EGFR: variants seen among roughly 807,000 people sequenced by gnomAD.
The protein encoded by EGFR is avian erythroblastic leukemia viral (v-erb-b) oncogene homolog.
Under a neutral mutation model 143.0 loss-of-function variants are expected in EGFR, and 58 were observed. The ratio of observed to expected loss-of-function variants is 0.41; its 90% CI spans 0.33 to 0.50. The LOEUF is 0.50. Ranked by LOEUF, EGFR falls within the 20% of genes least tolerant of loss-of-function variation. The pLI, the probability that EGFR is intolerant of heterozygous loss-of-function variation, is 0.39. For synonymous variants in EGFR, 613 were observed against 594.4 expected (o/e 1.03, Z -0.45); for missense variants, 1,307 against 1,579.0 (o/e 0.83, Z 2.92).
At chr7:55,127,089 A>G (rs1793571037) in intron 1 of EGFR, among the ~76,000 whole-genome samples, 2 of 152,232 alleles carry the variant, frequency 1.3e-5, no homozygotes, top group Non-Finnish European at 2.9e-5. Flanking sequence ...ACGCACATCA[A>G]TACTTACATC....
intron 3 of EGFR, 59 bp downstream of exon 3, chr7:55,143,547 C>T (rs2128927725): frequency 6.3e-7 from 1 of 1,587,490 alleles, no homozygotes; most frequent in Non-Finnish European, 8.6e-7. Flanking sequence ...GTTCCGATGG[C>T]TCCCAGCGAG....
intron 1 of EGFR, among the ~76,000 whole-genome samples, chr7:55,039,073 C>A (rs1022377240): frequency 6.6e-6 from 1 of 151,946 alleles, no homozygotes; most frequent in Non-Finnish European, 1.5e-5. Context: ...ACAGTTAATG[C>A]TACTCAATTG....
chr7:55,065,278 G>C (rs970855014), intron 1 of EGFR, among the ~76,000 whole-genome samples: 1 of 152,178 alleles, frequency 6.6e-6, no homozygotes, highest in Non-Finnish European at 1.5e-5. Context: ...TCCCTAGGGA[G>C]GAGAGGGGTG....
intron 7 of EGFR, 47 bp downstream of exon 7, chr7:55,154,199 C>T (rs1785297017): frequency 1.2e-6 from 2 of 1,613,834 alleles, no homozygotes; most frequent in South Asian, 2.2e-5. Flanking sequence ...CATCCTTGTC[C>T]CGCTCTGTCT....
chr7:55,109,031 G>C (rs1488813670), intron 1 of EGFR, among the ~76,000 whole-genome samples: 1 of 152,206 alleles, frequency 6.6e-6, no homozygotes, highest in Non-Finnish European at 1.5e-5. Context: ...CTGCAATAGA[G>C]TGATACGCTG....
At chr7:55,108,939 A>C (rs1028207904) in intron 1 of EGFR, among the ~76,000 whole-genome samples, 2 of 152,212 alleles carry the variant, frequency 1.3e-5, no homozygotes, top group Non-Finnish European at 2.9e-5. Flanking sequence ...TGGAGCTTAC[A>C]TCTTAGTGGG....
At chr7:55,142,811 T>G (rs1794537321) in intron 2 of EGFR, among the ~76,000 whole-genome samples, 2 of 152,342 alleles carry the variant, frequency 1.3e-5, no homozygotes, top group South Asian at 4.1e-4. Flanking sequence ...GATTTCAAGG[T>G]ACCAAGTTTC....
intron 1 of EGFR, among the ~76,000 whole-genome samples, chr7:55,075,705 C>G (rs999006664): frequency 6.6e-6 from 1 of 152,178 alleles, no homozygotes; most frequent in Non-Finnish European, 1.5e-5. Flanking sequence ...GAGGCCATCA[C>G]AAGTGCACCA....
chr7:55,061,027 T>A (rs1308191372), intron 1 of EGFR, among the ~76,000 whole-genome samples: 1 of 152,230 alleles, frequency 6.6e-6, no homozygotes, highest in Non-Finnish European at 1.5e-5. Context: ...GAGATGCTCC[T>A]CATCTGCTTA....
At chr7:55,189,231 T>A (rs920535960) in intron 20 of EGFR, among the ~76,000 whole-genome samples, 3 of 152,168 alleles carry the variant, frequency 2.0e-5, no homozygotes, top group Non-Finnish European at 1.5e-5. Context: ...ATTAAAGCCA[T>A]GGTCCCAGTA....
At chr7:55,205,169 G>A (rs1788059432) in intron 27 of EGFR, 87 bp from the exon 28 acceptor site, 3 of 1,564,468 alleles carry the variant, frequency 1.9e-6, no homozygotes, top group Non-Finnish European at 2.6e-6. Context: ...TCCTTGTTGA[G>A]GACATTCACA....
intron 1 of EGFR, among the ~76,000 whole-genome samples, chr7:55,089,095 T>C (rs1790944071): frequency 7.2e-6 from 1 of 138,168 alleles, no homozygotes; most frequent in Admixed American, 7.9e-5. Context: ...ATTTAGGTTT[T>C]GTTTATATTT....
intron 1 of EGFR, among the ~76,000 whole-genome samples, chr7:55,057,455 G>C (rs556037578): frequency 6.6e-6 from 1 of 152,112 alleles, no homozygotes; most frequent in African/African-American, 2.4e-5. Context: ...TGGATTTCTT[G>C]ATAATGTTAA....
At chr7:55,081,488 CGAGAGCCT>C (rs957535632) in intron 1 of EGFR, among the ~76,000 whole-genome samples, 3 of 152,138 alleles carry the variant, frequency 2.0e-5, no homozygotes, top group African/African-American at 2.4e-5. Context: ...TGTCTGTGAG[CGAGAGCCT>C]GAGATGCCTG....
At chr7:55,069,175 G>C (rs1789683611) in intron 1 of EGFR, among the ~76,000 whole-genome samples, 1 of 152,150 alleles carries the variant, frequency 6.6e-6, no homozygotes, top group Admixed American at 6.5e-5. Flanking sequence ...ATGCTCTATG[G>C]TTAATTTTTT....
chr7:55,143,611 G>A (rs1174097774), intron 3 of EGFR, 123 bp downstream of exon 3: 3 of 1,065,732 alleles, frequency 2.8e-6, no homozygotes, highest in African/African-American at 3.1e-5. Context: ...CAGTACACGT[G>A]CACTGAGTGC....
intron 13 of EGFR, among the ~76,000 whole-genome samples, chr7:55,162,533 C>G (rs1038012495): frequency 1.3e-5 from 2 of 152,246 alleles, no homozygotes; most frequent in African/African-American, 2.4e-5. Flanking sequence ...ATCCTTACAG[C>G]TACAAATGGA....
chr7:55,144,135 C>T (rs1446696624), intron 3 of EGFR, among the ~76,000 whole-genome samples: 2 of 152,154 alleles, frequency 1.3e-5, no homozygotes, highest in African/African-American at 4.8e-5. Context: ...TCATTTAACG[C>T]CCACAACCTT....
chr7:55,190,646 TTC>T (rs1787352364), intron 20 of EGFR, among the ~76,000 whole-genome samples: 1 of 152,198 alleles, frequency 6.6e-6, no homozygotes, highest in South Asian at 2.1e-4. Flanking sequence ...GCCTGTTTGT[TTC>T]TGTTTGCTGC....
Sources: gnomAD v4.1 joint callset for allele counts (sites outside exome capture counted in the v4.1 genomes callset) on GRCh38, gnomAD v4.1.1 for gene constraint, MANE v1.5 for transcripts, NCBI Gene and HGNC (gene_info 2026-07-23, HGNC 2026-07-21) for gene names.